Variants in C1QTNF7 observed in about 807,000 individuals in gnomAD.
C1QTNF7 encodes C1q and TNF related 7.
In C1QTNF7, 15 loss-of-function variants were observed where a neutral mutation model predicts 19.6. That is an observed-to-expected ratio of 0.76 (90% CI 0.51 to 1.18). The LOEUF is 1.18. Ranked by LOEUF, C1QTNF7 falls within the 50% of genes most tolerant of loss-of-function variation. C1QTNF7 has a pLI of 0.00. For synonymous variants in C1QTNF7, 142 were observed against 137.5 expected (o/e 1.03, Z -0.23); for missense variants, 324 against 359.7 (o/e 0.90, Z 0.80).
intron 1 of C1QTNF7, among the ~76,000 whole-genome samples, chr4:15,406,074 C>G (rs1050115624): frequency 3.3e-5 from 5 of 152,212 alleles, no homozygotes; most frequent in African/African-American, 1.2e-4. Flanking sequence ...CCAAGATTTA[C>G]CATTCTCTTA....
intron 1 of C1QTNF7, among the ~76,000 whole-genome samples, chr4:15,363,261 CAAT>C (rs1717403664): frequency 6.6e-6 from 1 of 151,774 alleles, no homozygotes. Flanking sequence ...TTGTAGGCTA[CAAT>C]GATTGTGTGT....
chr4:15,368,409 T>C (rs1227640020), intron 1 of C1QTNF7, among the ~76,000 whole-genome samples: 1 of 152,160 alleles, frequency 6.6e-6, no homozygotes, highest in Non-Finnish European at 1.5e-5. Flanking sequence ...TCATTTACAT[T>C]AGGTATATAT....
At chr4:15,380,819 C>T (rs936299244) in intron 1 of C1QTNF7, among the ~76,000 whole-genome samples, 4 of 152,090 alleles carry the variant, frequency 2.6e-5, no homozygotes, top group African/African-American at 9.7e-5. Flanking sequence ...CCTCTAATCC[C>T]AGCTACTGGG....
Position 15,442,720 on chromosome 4 carries a change from C to A in C1QTNF7, c.791C>A (p.Ala264Glu). The A allele has an allele frequency of 1.2e-6, 2 of 1,614,120 alleles. No individual in the cohort carries two copies. Among genetic ancestry groups the A allele is most frequent in the Non-Finnish European group, 1.7e-6 (2 of 1,180,000 alleles). ...GGCCTCTTCTCAGACCCAGGTTGGG[C>A]AGACAGCTTATTCTCCGGGTTTCTC... ...QNGLFSDPGW[A>E]DSLFSGFLLY... Residue 264 changes from alanine to glutamate, a missense_variant, in exon 3 of 3, where the codon GCA becomes GAA. By Grantham distance (107) the Ala-to-Glu change is moderately radical (BLOSUM62 -1). Transcript: ENST00000444304.
intron 1 of C1QTNF7, among the ~76,000 whole-genome samples, chr4:15,366,254 C>T (rs1306358851): frequency 6.6e-6 from 1 of 152,174 alleles, no homozygotes; most frequent in Admixed American, 6.5e-5. Context: ...CTGAACTATC[C>T]CAGTTTTAAA....
chr4:15,368,511 A>G (rs902171234), intron 1 of C1QTNF7, among the ~76,000 whole-genome samples: 20 of 152,072 alleles, frequency 1.3e-4, no homozygotes, highest in African/African-American at 4.6e-4. Flanking sequence ...TCATTGTTCA[A>G]TTCCCACCTG....
chr4:15,432,663 G>C (rs1277016114), intron 1 of C1QTNF7, among the ~76,000 whole-genome samples: 2 of 152,158 alleles, frequency 1.3e-5, no homozygotes, highest in African/African-American at 4.8e-5. Flanking sequence ...CCAAAGTGCT[G>C]GGAATACAGG....
chr4:15,371,467 G>T (rs1717721841), intron 1 of C1QTNF7, among the ~76,000 whole-genome samples: 2 of 152,156 alleles, frequency 1.3e-5, no homozygotes, highest in African/African-American at 4.8e-5. Context: ...GTGTCCTAAT[G>T]GCTGGACATA....
In C1QTNF7 at chr4:15,439,954, A is replaced by T. The variant is rs1004327096; in HGVS notation, c.239-2214A>T. On this transcript the variant is annotated intron_variant, in intron 2 of 2. Transcript: ENST00000444304. ...AATCTATTTTATATATAAAACGTGA[A>T]TGTCATATACAAAATCAATGTCTTA... is the stretch of plus-strand genomic sequence containing the variant. Among the ~76,000 whole-genome samples, 73 of 151,754 alleles carry T rather than the reference A, an allele frequency of 4.8e-4. 1 individual carries two copies. The highest frequency in any genetic ancestry group is 1.7e-3 in the African/African-American group (71 of 41,476).
intron 1 of C1QTNF7, among the ~76,000 whole-genome samples, chr4:15,419,394 G>T (rs1444884894): frequency 6.6e-6 from 1 of 152,166 alleles, no homozygotes. Flanking sequence ...CTACTTGATG[G>T]ATATCGTTTG....
rs1718435232 is a variant in C1QTNF7 at position 15,388,670 on chromosome 4, G to C, written c.14-47066G>C. On this transcript the variant is annotated intron_variant, in intron 1 of 2. Coordinates refer to the C1QTNF7 transcript ENST00000295297. ...CATGTAGGTAAGAGGCTGTGGTGGA[G>C]AGGAAGACAAGACCGTTGGAAGAAA... Among the ~76,000 whole-genome samples, 4 of 152,220 alleles carry C rather than the reference G, an allele frequency of 2.6e-5. No individual in the cohort carries two copies. In the South Asian group the frequency reaches 8.3e-4, roughly 32 times the overall value.
rs1413598237 is a variant in C1QTNF7, at chr4:15,445,940, G to T, written c.*3141G>T. 6.6e-6 allele frequency: 1 copy of T among 152,056 alleles called. No homozygotes were observed. Among genetic ancestry groups the T allele is most frequent in the Non-Finnish European group, 1.5e-5 (1 of 68,010 alleles). 9.4% of individuals were successfully genotyped at this position (152,056 alleles called of 1,614,324 possible). On this transcript the variant is annotated 3_prime_UTR_variant, in exon 3 of 3. Transcript: ENST00000444304. ...AAAAACAAAAAAAAAAGAAAATAAT[G>T]AGGCTAATATAATGCTGTGTGTACA...
intron 1 of C1QTNF7, among the ~76,000 whole-genome samples, chr4:15,391,763 G>A (rs1469572935): frequency 1.3e-5 from 2 of 152,174 alleles, no homozygotes; most frequent in East Asian, 1.9e-4. Context: ...TACAGATAAG[G>A]TATGATGAAA....
chr4:15,438,131 T>C (rs949604084), intron 2 of C1QTNF7, among the ~76,000 whole-genome samples: 2 of 152,196 alleles, frequency 1.3e-5, no homozygotes, highest in African/African-American at 4.8e-5. Context: ...CTATTAGCAA[T>C]AATTATAATC....
intron 1 of C1QTNF7, among the ~76,000 whole-genome samples, chr4:15,378,901 C>T (rs143855275): frequency 7.2e-5 from 11 of 152,318 alleles, no homozygotes; most frequent in Non-Finnish European, 1.5e-4. Context: ...ATTCAGAGAA[C>T]TTGCACCAGA....
chr4:15,347,419 T>C (rs1716759861), intron 1 of C1QTNF7, among the ~76,000 whole-genome samples: 1 of 152,358 alleles, frequency 6.6e-6, no homozygotes, highest in Middle Eastern at 3.4e-3. Flanking sequence ...AGACTCATCA[T>C]CTGCCTTCCT....
chr4:15,433,744 C>G (rs970219931), intron 1 of C1QTNF7, among the ~76,000 whole-genome samples: 1 of 152,174 alleles, frequency 6.6e-6, no homozygotes, highest in Non-Finnish European at 1.5e-5. Flanking sequence ...GGTAGCCCAT[C>G]GTGATTCCAG....
At chr4:15,399,629 A>G (rs775738504) in intron 1 of C1QTNF7, among the ~76,000 whole-genome samples, 4 of 152,260 alleles carry the variant, frequency 2.6e-5, no homozygotes, top group Non-Finnish European at 5.9e-5. Flanking sequence ...GCCCTCAAAC[A>G]TTAGCTCCTG....
intron 1 of C1QTNF7, among the ~76,000 whole-genome samples, chr4:15,375,343 C>T (rs1005599354): frequency 1.3e-5 from 2 of 152,140 alleles, no homozygotes; most frequent in Non-Finnish European, 2.9e-5. Flanking sequence ...TATTATTAAA[C>T]GAATGTGCTT....
Sources: gnomAD v4.1 joint callset for allele counts (sites outside exome capture counted in the v4.1 genomes callset) on GRCh38, gnomAD v4.1.1 for gene constraint, MANE v1.5 for transcripts, NCBI Gene and HGNC (gene_info 2026-07-23, HGNC 2026-07-21) for gene names.